Variants in DDX10 observed in about 807,000 individuals in gnomAD.
The protein encoded by DDX10 is DEAD-box helicase 10.
In DDX10, 74 loss-of-function variants were observed where a neutral mutation model predicts 104.3. That is an observed-to-expected ratio of 0.71 (90% CI 0.59 to 0.86). The LOEUF is 0.86. DDX10 is among the 40% of genes least tolerant of loss of function. The probability of loss-of-function intolerance (pLI) is 0.00; values close to 1 mark genes in which losing one functional copy is unlikely to be tolerated. For synonymous variants in DDX10, 351 were observed against 353.4 expected (o/e 0.99, Z 0.08); for missense variants, 952 against 1,040.0 (o/e 0.92, Z 1.16).
intron 16 of DDX10, among the ~76,000 whole-genome samples, chr11:108,907,058 C>G (rs1258119842): frequency 6.6e-6 from 1 of 152,150 alleles, no homozygotes; most frequent in Non-Finnish European, 1.5e-5. Flanking sequence ...GGAATATGCT[C>G]TTTAGGGCTT....
intron 16 of DDX10, among the ~76,000 whole-genome samples, chr11:108,887,594 A>AG (rs1430996175): frequency 6.6e-6 from 1 of 151,844 alleles, no homozygotes; most frequent in East Asian, 1.9e-4. Flanking sequence ...AAAAAAAAAA[A>AG]ACAAACCAGA....
intron 13 of DDX10, among the ~76,000 whole-genome samples, chr11:108,765,716 A>G (rs570185511): frequency 4.9e-4 from 74 of 152,306 alleles, no homozygotes; most frequent in Admixed American, 1.2e-3. Flanking sequence ...TCACAAAATG[A>G]TTTTTTATCT....
chr11:108,746,564 A>G (rs2094332142), intron 13 of DDX10, among the ~76,000 whole-genome samples: 1 of 149,356 alleles, frequency 6.7e-6, no homozygotes, highest in Admixed American at 6.7e-5. Context: ...ATATACACCT[A>G]GAAGTGCAGT....
At chr11:108,781,311 A>G (rs1198808622) in intron 13 of DDX10, among the ~76,000 whole-genome samples, 1 of 152,068 alleles carries the variant, frequency 6.6e-6, no homozygotes, top group African/African-American at 2.4e-5. Flanking sequence ...TACACCATTG[A>G]TGGGGACCTA....
At chr11:108,838,760 G>C (rs920966003) in intron 14 of DDX10, among the ~76,000 whole-genome samples, 195 bp downstream of exon 14, 1 of 152,202 alleles carries the variant, frequency 6.6e-6, no homozygotes, top group African/African-American at 2.4e-5. Context: ...CCAATAAGCC[G>C]AGATACTTCT....
intron 11 of DDX10, among the ~76,000 whole-genome samples, chr11:108,717,227 T>C (rs1037180928): frequency 6.6e-6 from 1 of 152,198 alleles, no homozygotes; most frequent in Non-Finnish European, 1.5e-5. Context: ...GTCGATAGGG[T>C]AGCCTGAGCA....
chr11:108,902,918 T>A (rs1021823489), intron 16 of DDX10, among the ~76,000 whole-genome samples: 2 of 152,148 alleles, frequency 1.3e-5, no homozygotes, highest in African/African-American at 2.4e-5. Flanking sequence ...TAAATTTTTT[T>A]ATTTTTTAAA....
At chr11:108,707,487 G>T (rs1436159379) in intron 10 of DDX10, among the ~76,000 whole-genome samples, 1 of 152,014 alleles carries the variant, frequency 6.6e-6, no homozygotes, top group East Asian at 1.9e-4. Context: ...TCATTGTCTG[G>T]ACGCAACAGT....
intron 13 of DDX10, among the ~76,000 whole-genome samples, chr11:108,784,473 T>A (rs1861759902): frequency 6.6e-6 from 1 of 152,190 alleles, no homozygotes; most frequent in South Asian, 2.1e-4. Context: ...AGCCTTGATG[T>A]CCTGGGCTTA....
At chr11:108,888,593 C>T (rs569265190) in intron 16 of DDX10, among the ~76,000 whole-genome samples, 2 of 152,262 alleles carry the variant, frequency 1.3e-5, no homozygotes, top group South Asian at 2.1e-4. Flanking sequence ...AAAGACTGTA[C>T]AGCTGTACCT....
chr11:108,745,147 A>C (rs1235426180), intron 13 of DDX10, among the ~76,000 whole-genome samples: 80 of 75,472 alleles, frequency 1.1e-3, no homozygotes, highest in East Asian at 1.4e-3. Context: ...TTCTCCTTCC[A>C]CTCACTCCCC....
At chr11:108,741,826 A>G (rs2094325604) in intron 13 of DDX10, among the ~76,000 whole-genome samples, 1 of 152,124 alleles carries the variant, frequency 6.6e-6, no homozygotes, top group South Asian at 2.1e-4. Flanking sequence ...CCAGGACTTC[A>G]AAGAGCTAGA....
chr11:108,838,904 C>A lies in DDX10; in HGVS notation c.2085+339C>A, dbSNP rs184087229. On this transcript the variant is annotated intron_variant, in intron 14 of 17. Transcript: ENST00000322536. ...ATGCTAATACATCTACTTGCCACAG[C>A]TTCTTTTGCTTCACTCAGAAAAGCT... Among the ~76,000 whole-genome samples, 3 of 152,336 alleles carry A rather than the reference C, an allele frequency of 2.0e-5. No individual in the cohort carries two copies. The East Asian group carries it at 5.8e-4, about 29-fold the overall frequency.
At chr11:108,826,234 G>C (rs1862393648) in intron 13 of DDX10, among the ~76,000 whole-genome samples, 2 of 152,066 alleles carry the variant, frequency 1.3e-5, no homozygotes, top group African/African-American at 4.8e-5. Context: ...ATGTCTTTGT[G>C]GTTGTGTGCT....
At chr11:108,746,145 G>A (rs2094331646) in intron 13 of DDX10, among the ~76,000 whole-genome samples, 1 of 152,046 alleles carries the variant, frequency 6.6e-6, no homozygotes, top group African/African-American at 2.4e-5. Context: ...CTAGACGTAA[G>A]TAAATAATGA....
At chr11:108,927,550 C>A (rs1046367800) in intron 17 of DDX10, among the ~76,000 whole-genome samples, 4 of 152,102 alleles carry the variant, frequency 2.6e-5, no homozygotes, top group Admixed American at 2.0e-4. Context: ...CTGCATCCAG[C>A]AGGAGAGAAG....
intron 15 of DDX10, among the ~76,000 whole-genome samples, chr11:108,849,666 A>G (rs375006210): frequency 1.3e-5 from 2 of 152,106 alleles, no homozygotes; most frequent in Non-Finnish European, 2.9e-5. Flanking sequence ...TGGCAGAACT[A>G]AAGATAACAT....
intron 17 of DDX10, 104 bp downstream of exon 17, chr11:108,918,122 G>A: frequency 8.1e-7 from 1 of 1,227,912 alleles, no homozygotes; most frequent in Admixed American, 2.1e-5. Context: ...AGAGATGTTT[G>A]TTGCTTTTTT....
intron 4 of DDX10, among the ~76,000 whole-genome samples, chr11:108,677,445 G>C (rs373168535): frequency 6.6e-6 from 1 of 151,464 alleles, no homozygotes; most frequent in African/African-American, 2.4e-5. Context: ...ATTTTTTTTT[G>C]TCGGGGAATC....
Sources: gnomAD v4.1 joint callset for allele counts (sites outside exome capture counted in the v4.1 genomes callset) on GRCh38, gnomAD v4.1.1 for gene constraint, MANE v1.5 for transcripts, NCBI Gene and HGNC (gene_info 2026-07-23, HGNC 2026-07-21) for gene names.